The following TMEM178B variants were observed in gnomAD, a reference collection of about 807,000 sequenced individuals.
TMEM178B encodes the protein transmembrane protein 178B.
A neutral mutation model predicts 31.0 loss-of-function variants in TMEM178B; 5 were observed. The observed-to-expected ratio is 0.16, with a 90% CI of 0.08 to 0.34. The LOEUF (loss-of-function observed/expected upper bound fraction) is 0.34. Ranked by LOEUF, TMEM178B falls within the 10% of genes least tolerant of loss-of-function variation. The probability of loss-of-function intolerance (pLI) is 1.00; values close to 1 mark genes in which losing one functional copy is unlikely to be tolerated. For synonymous variants in TMEM178B, 164 were observed against 164.0 expected (o/e 1.00, Z 0.00); for missense variants, 275 against 400.3 (o/e 0.69, Z 2.67).
chr7:141,455,242 G>A lies in TMEM178B; in HGVS notation c.635-15294G>A, dbSNP rs960626877. The stretch of plus-strand genomic sequence containing the variant: ...CTACCTGACACAAATAATGTGTGAA[G>A]TTGTGTACAGGTTGTGATAGGCTTC... On this transcript the variant is annotated intron_variant, in intron 3 of 3. Transcript: ENST00000565468. Among the ~76,000 whole-genome samples the A allele has an allele frequency of 2.0e-5, 3 of 152,188 alleles. No homozygotes were observed. In the South Asian group the frequency reaches 6.2e-4, roughly 32 times the overall value.
intron 2 of TMEM178B, chr7:141,296,964 A>G (rs1798645119): frequency 6.6e-6 from 1 of 152,240 alleles, no homozygotes; most frequent in Non-Finnish European, 1.5e-5. Context: ...GGAGGGAGAA[A>G]GCCTACAATG....
chr7:141,386,564 A>G (rs1800434264), intron 2 of TMEM178B, among the ~76,000 whole-genome samples: 1 of 152,208 alleles, frequency 6.6e-6, no homozygotes, highest in African/African-American at 2.4e-5. Flanking sequence ...GATCAAATCA[A>G]GATATTTAGT....
intron 1 of TMEM178B, among the ~76,000 whole-genome samples, chr7:141,158,031 A>G (rs1301889551): frequency 1.3e-5 from 2 of 152,118 alleles, no homozygotes; most frequent in African/African-American, 4.8e-5. Context: ...TTGCTAACAG[A>G]CATCAGTCTG....
At chr7:141,275,034 A>G in intron 2 of TMEM178B, among the ~76,000 whole-genome samples, 1 of 152,238 alleles carries the variant, frequency 6.6e-6, no homozygotes, top group East Asian at 1.9e-4. Context: ...GGAAACTTAG[A>G]TAAAAATACT....
intron 2 of TMEM178B, among the ~76,000 whole-genome samples, chr7:141,373,943 G>T (rs879893551): frequency 6.6e-6 from 1 of 152,192 alleles, no homozygotes; most frequent in Non-Finnish European, 1.5e-5. Context: ...ATTTAGTTAG[G>T]CATGAAATCC....
chr7:141,447,942 A>G (rs1469428975), intron 3 of TMEM178B, among the ~76,000 whole-genome samples: 1 of 151,994 alleles, frequency 6.6e-6, no homozygotes, highest in Non-Finnish European at 1.5e-5. Context: ...TTCTGCCTCT[A>G]GCATTGTCCC....
chr7:141,219,991 A>G (rs1267979541), intron 2 of TMEM178B, among the ~76,000 whole-genome samples: 3 of 152,144 alleles, frequency 2.0e-5, no homozygotes, highest in Non-Finnish European at 2.9e-5. Context: ...GAATGATGGC[A>G]AGGGAATTAT....
At chr7:141,211,493 G>A (rs1049074457) in intron 1 of TMEM178B, among the ~76,000 whole-genome samples, 5 of 152,182 alleles carry the variant, frequency 3.3e-5, no homozygotes, top group Non-Finnish European at 7.3e-5. Context: ...TCAGTGGGGT[G>A]CAAAATGGAT....
At chr7:141,404,875 T>C (rs1800853491) in intron 2 of TMEM178B, among the ~76,000 whole-genome samples, 1 of 152,204 alleles carries the variant, frequency 6.6e-6, no homozygotes, top group Non-Finnish European at 1.5e-5. Context: ...TCCTGATGTC[T>C]TGTCCAGCGC....
At chr7:141,097,921 A>G (rs779490776) in intron 1 of TMEM178B, among the ~76,000 whole-genome samples, 12 of 151,306 alleles carry the variant, frequency 7.9e-5, no homozygotes, top group South Asian at 4.2e-4. Flanking sequence ...CCCACCAAGT[A>G]GCTGGGACTA....
chr7:141,103,161 A>C (rs1469026336), intron 1 of TMEM178B, among the ~76,000 whole-genome samples: 2 of 152,214 alleles, frequency 1.3e-5, no homozygotes, highest in Non-Finnish European at 1.5e-5. Context: ...GAAAGGAAAA[A>C]AATTATTGCT....
chr7:141,417,668 C>T (rs966061693), intron 2 of TMEM178B, among the ~76,000 whole-genome samples: 3 of 152,226 alleles, frequency 2.0e-5, no homozygotes, highest in Non-Finnish European at 2.9e-5. Context: ...CCCCACCTAG[C>T]AAGCTGTGTT....
chr7:141,355,387 C>T (rs1799802048), intron 2 of TMEM178B, among the ~76,000 whole-genome samples: 1 of 152,144 alleles, frequency 6.6e-6, no homozygotes, highest in African/African-American at 2.4e-5. Flanking sequence ...CCCCTATGGA[C>T]TGATAATCCC....
chr7:141,382,414 T>G (rs886787986), intron 2 of TMEM178B, among the ~76,000 whole-genome samples: 3 of 152,224 alleles, frequency 2.0e-5, no homozygotes, highest in African/African-American at 7.2e-5. Flanking sequence ...CCAGGACCTT[T>G]GAGAATCCAC....
chr7:141,312,006 A>G (rs1230218675), intron 2 of TMEM178B, among the ~76,000 whole-genome samples: 4 of 152,220 alleles, frequency 2.6e-5, no homozygotes, highest in Admixed American at 6.5e-5. Context: ...AAAGAGAGAA[A>G]GATGACTTCT....
intron 1 of TMEM178B, among the ~76,000 whole-genome samples, chr7:141,181,817 T>A (rs1033403175): frequency 5.3e-5 from 8 of 152,174 alleles, no homozygotes; most frequent in African/African-American, 1.9e-4. Context: ...TGGGTGCTGA[T>A]CCTGTTCAGG....
intron 1 of TMEM178B, among the ~76,000 whole-genome samples, chr7:141,161,424 G>T (rs184813305): frequency 3.3e-5 from 5 of 152,316 alleles, no homozygotes; most frequent in African/African-American, 1.2e-4. Flanking sequence ...GTGGGAGGAG[G>T]CCTAGACGGT....
At chr7:141,497,134 CA>C in the TMEM178B span, among the ~76,000 whole-genome samples, 79 of 152,264 alleles carry the variant, frequency 5.2e-4, no homozygotes, top group Middle Eastern at 6.8e-3. Flanking sequence ...GAGCCCTGCA[CA>C]CACAGGTAGA....
At chr7:141,447,900 C>T (rs760085595) in intron 3 of TMEM178B, among the ~76,000 whole-genome samples, 6 of 152,052 alleles carry the variant, frequency 3.9e-5, no homozygotes, top group Admixed American at 1.3e-4. Flanking sequence ...AGCAAGTGGG[C>T]GACTGCATAG....
Sources: gnomAD v4.1 joint callset for allele counts (sites outside exome capture counted in the v4.1 genomes callset) on GRCh38, gnomAD v4.1.1 for gene constraint, MANE v1.5 for transcripts, NCBI Gene and HGNC (gene_info 2026-07-23, HGNC 2026-07-21) for gene names.